The following RAB27B variants were observed in gnomAD, a reference collection of about 807,000 sequenced individuals.
RAB27B encodes RAB27B, member RAS oncogene family, also known as ras-related protein Rab-27B.
In RAB27B, 15 loss-of-function variants were observed where a neutral mutation model predicts 24.6. That is an observed-to-expected ratio of 0.61 (90% CI 0.41 to 0.94). The LOEUF is 0.94. RAB27B is among the 40% of genes least tolerant of loss of function. The pLI, the probability that RAB27B is intolerant of heterozygous loss-of-function variation, is 0.00. For synonymous variants in RAB27B, 105 were observed against 92.5 expected, an observed-to-expected ratio of 1.14 and a Z score of -0.78; for missense variants, 261 against 266.8, an observed-to-expected ratio of 0.98 and a Z score of 0.15.
intron 2 of RAB27B, among the ~76,000 whole-genome samples, chr18:54,776,495 T>G (rs577476020): frequency 9.2e-5 from 14 of 152,022 alleles, no homozygotes; most frequent in African/African-American, 3.4e-4. Flanking sequence ...CAGAAGAGAG[T>G]AGTCATCACT....
chr18:54,719,740 A>T (rs1909299247), intron 2 of RAB27B, among the ~76,000 whole-genome samples: 1 of 151,970 alleles, frequency 6.6e-6, no homozygotes, highest in South Asian at 2.1e-4. Context: ...ATCTTCATAA[A>T]CTTTGTGTTA....
chr18:54,780,942 T>TA (rs2145091588), intron 2 of RAB27B, among the ~76,000 whole-genome samples: 1 of 152,282 alleles, frequency 6.6e-6, no homozygotes, highest in South Asian at 2.1e-4. Context: ...TACATAGCCT[T>TA]ATATTCACAC....
chr18:54,813,685 AC>A (rs1441655792), intron 2 of RAB27B, among the ~76,000 whole-genome samples: 2 of 152,104 alleles, frequency 1.3e-5, no homozygotes, highest in African/African-American at 4.8e-5. Context: ...GCCAAAATAA[AC>A]CTGTTTATAA....
intron 2 of RAB27B, among the ~76,000 whole-genome samples, chr18:54,820,425 G>A (rs1910269099): frequency 6.6e-6 from 1 of 152,188 alleles, no homozygotes; most frequent in African/African-American, 2.4e-5. Flanking sequence ...CTTCTTTTGA[G>A]AAGTGTTTGT....
At chr18:54,833,908 G>T (rs1910792856) in intron 1 of RAB27B, among the ~76,000 whole-genome samples, 1 of 152,186 alleles carries the variant, frequency 6.6e-6, no homozygotes. Flanking sequence ...CACCAATGGG[G>T]AAGAGTCATT....
At position 54,893,447 on chromosome 18, in the gene RAB27B, A is replaced by G. The variant is rs1913448230; in HGVS notation, c.*4034A>G. On this transcript the variant is annotated 3_prime_UTR_variant, in exon 6 of 6. Transcript: ENST00000262094. The stretch of plus-strand genomic sequence containing the variant: ...GAAGTCTAGTGTATTTGAATATTTT[A>G]GAGAAAGCTTTATCATTTTTTAAGA... 1 of 152,030 alleles carries G rather than the reference A, an allele frequency of 6.6e-6. No individual in the cohort carries two copies. Among genetic ancestry groups the G allele is most frequent in the South Asian group, 2.1e-4 (1 of 4,838 alleles). The allele number at this position is 152,030 out of a possible 1,614,324, so 9.4% of individuals were successfully genotyped here.
At chr18:54,819,553 A>G (rs1162721722) in intron 2 of RAB27B, among the ~76,000 whole-genome samples, 1 of 149,996 alleles carries the variant, frequency 6.7e-6, no homozygotes, top group Non-Finnish European at 1.5e-5. Context: ...AAAAAGAAAA[A>G]AAAAAGAATA....
intron 2 of RAB27B, among the ~76,000 whole-genome samples, chr18:54,774,116 C>T (rs760902391): frequency 1.3e-5 from 2 of 152,150 alleles, no homozygotes; most frequent in African/African-American, 2.4e-5. Context: ...CTAACACACA[C>T]GGCATCCCTG....
Position 54,739,444 on chromosome 18 carries a change from G to A in RAB27B, c.-20+21303G>A, listed in dbSNP as rs578220175. On this transcript the variant is annotated intron_variant, in intron 2 of 4. Coordinates refer to the RAB27B transcript ENST00000586570. ...GCACTCCAGCCTGGGCAACAAGAGC[G>A]AAACTCCATCTCAAAAAAAAAAAAA... Among the ~76,000 whole-genome samples the A allele has an allele frequency of 9.8e-4, 113 of 115,254 alleles. 4 individuals are homozygous for A. The South Asian group carries it at 0.029, about 30-fold the overall frequency. The allele number at this position is 115,254 out of a possible 152,430, so 75.6% of individuals were successfully genotyped here.
chr18:54,727,303 C>T (rs1037858426), intron 2 of RAB27B, among the ~76,000 whole-genome samples: 44 of 152,012 alleles, frequency 2.9e-4, no homozygotes, highest in African/African-American at 1.0e-3. Flanking sequence ...TATTTTAAAT[C>T]TGAATGTGTT....
At chr18:54,882,045 C>G (rs543072715) in intron 3 of RAB27B, among the ~76,000 whole-genome samples, 10 of 152,220 alleles carry the variant, frequency 6.6e-5, no homozygotes, top group Non-Finnish European at 1.0e-4. Context: ...ATTATTCAAT[C>G]AAAGCACTAT....
chr18:54,850,364 A>ATATATATATATATATC (rs1911530359), intron 1 of RAB27B, among the ~76,000 whole-genome samples: 10 of 143,514 alleles, frequency 7.0e-5, no homozygotes, highest in Admixed American at 2.8e-4. Flanking sequence ...ATATATACAT[A>ATATATATATATATATC]CATACATATG....
At chr18:54,796,861 C>A (rs927359728) in intron 2 of RAB27B, among the ~76,000 whole-genome samples, 5 of 152,118 alleles carry the variant, frequency 3.3e-5, no homozygotes, top group African/African-American at 1.2e-4. Context: ...CAGCACTTCC[C>A]TGAAAATAAG....
chr18:54,848,545 C>A, intron 1 of RAB27B, among the ~76,000 whole-genome samples: 1 of 152,034 alleles, frequency 6.6e-6, no homozygotes. Context: ...AAGATATAAA[C>A]CATTCAGTTC....
intron 1 of RAB27B, among the ~76,000 whole-genome samples, chr18:54,844,607 A>C (rs1278725371): frequency 6.6e-6 from 1 of 151,932 alleles, no homozygotes. Context: ...GGGTTTCACC[A>C]TGTTGGCCAG....
chr18:54,749,877 A>G (rs1224018906), intron 2 of RAB27B, among the ~76,000 whole-genome samples: 1 of 152,136 alleles, frequency 6.6e-6, no homozygotes, highest in Non-Finnish European at 1.5e-5. Flanking sequence ...TGTGTTTTAT[A>G]CTGTCAATTA....
chr18:54,859,513 A>G (rs1911928062), intron 1 of RAB27B, among the ~76,000 whole-genome samples: 1 of 151,882 alleles, frequency 6.6e-6, no homozygotes, highest in African/African-American at 2.4e-5. Context: ...CACCTATTCG[A>G]AAGCTAAAGA....
At chr18:54,844,750 A>C (rs2145206820) in intron 1 of RAB27B, among the ~76,000 whole-genome samples, 1 of 152,228 alleles carries the variant, frequency 6.6e-6, no homozygotes, top group South Asian at 2.1e-4. Context: ...TGAGATACTG[A>C]GAATCTACTA....
At chr18:54,874,280 T>C (rs1912601304) in intron 1 of RAB27B, among the ~76,000 whole-genome samples, 1 of 152,216 alleles carries the variant, frequency 6.6e-6, no homozygotes, top group Non-Finnish European at 1.5e-5. Flanking sequence ...TCTTCTTGGA[T>C]CACTGCAGTC....
Sources: gnomAD v4.1 joint callset for allele counts (sites outside exome capture counted in the v4.1 genomes callset) on GRCh38, gnomAD v4.1.1 for gene constraint, MANE v1.5 for transcripts, NCBI Gene and HGNC (gene_info 2026-07-23, HGNC 2026-07-21) for gene names.